COG7: variants seen among roughly 807,000 people sequenced by gnomAD.
COG7 encodes the protein conserved oligomeric Golgi complex subunit 7.
In COG7, 49 loss-of-function variants were observed where a neutral mutation model predicts 91.5. That is an observed-to-expected ratio of 0.54 (90% CI 0.43 to 0.68). The LOEUF (loss-of-function observed/expected upper bound fraction) is 0.68, where lower values mean the gene tolerates loss of function less well. COG7 is among the 30% of genes least tolerant of loss of function. The pLI, the probability that COG7 is intolerant of heterozygous loss-of-function variation, is 0.00. For missense variants in COG7, 895 were observed against 961.3 expected, an observed-to-expected ratio of 0.93 and a Z score of 0.91; for synonymous variants, 365 against 388.7, an observed-to-expected ratio of 0.94 and a Z score of 0.72.
At chr16:23,411,183 G>A (rs989477347) in intron 10 of COG7, among the ~76,000 whole-genome samples, 10 of 152,132 alleles carry the variant, frequency 6.6e-5, no homozygotes, top group African/African-American at 2.2e-4. Context: ...CATCATATCC[G>A]TATTGAATGA....
At chr16:23,427,539 A>C (rs983711320) in intron 6 of COG7, among the ~76,000 whole-genome samples, 14 of 152,206 alleles carry the variant, frequency 9.2e-5, no homozygotes, top group Admixed American at 3.9e-4. Context: ...GTTTCTTCCA[A>C]CCACCTACTG....
At chr16:23,451,881 C>T (rs1007242800) in intron 1 of COG7, among the ~76,000 whole-genome samples, 2 of 152,002 alleles carry the variant, frequency 1.3e-5, no homozygotes, top group Non-Finnish European at 2.9e-5. Context: ...GATCTGTTGG[C>T]TATTCTTTCA....
intron 10 of COG7, among the ~76,000 whole-genome samples, chr16:23,411,078 A>G (rs555740019): frequency 2.0e-4 from 31 of 152,350 alleles, no homozygotes; most frequent in Middle Eastern, 3.4e-3. Flanking sequence ...TTCCAGACAC[A>G]GAAAATGTTT....
chr16:23,401,560 C>A (rs757976766), intron 13 of COG7, among the ~76,000 whole-genome samples: 2 of 152,196 alleles, frequency 1.3e-5, no homozygotes, highest in Non-Finnish European at 2.9e-5. Flanking sequence ...ACAACCCAAT[C>A]TGCAGGTGAG....
At chr16:23,436,699 C>G (rs962584249) in intron 4 of COG7, among the ~76,000 whole-genome samples, 70 of 152,220 alleles carry the variant, frequency 4.6e-4, no homozygotes, top group African/African-American at 1.6e-3. Context: ...GCAGTCCAGC[C>G]TGGGCAACAG....
chr16:23,420,363 G>A (rs914537454), intron 7 of COG7, among the ~76,000 whole-genome samples: 34 of 152,080 alleles, frequency 2.2e-4, no homozygotes, highest in Non-Finnish European at 3.7e-4. Context: ...TCTCAACAGG[G>A]GATTAGTAAA....
intron 13 of COG7, among the ~76,000 whole-genome samples, chr16:23,403,157 G>C (rs1963405187): frequency 6.6e-6 from 1 of 152,172 alleles, no homozygotes; most frequent in South Asian, 2.1e-4. Flanking sequence ...CGGACAACCA[G>C]AAAAGAGAAG....
rs146807892 is a variant in COG7, at chr16:23,448,257, C to A, written c.170-2296G>T. On this transcript the variant is annotated intron_variant, in intron 1 of 16. Transcript: ENST00000307149. ...AGAAAGGTCTTTCGCAGGCTGATCC[C>A]GATCTATTTATCTGCCTCATCTTCA... 1.3e-3 allele frequency among the ~76,000 whole-genome samples: 196 copies of A among 152,212 alleles called. 2 individuals are homozygous for A. The East Asian group carries it at 0.036, about 28-fold the overall frequency.
intron 13 of COG7, 38 bp downstream of exon 13, chr16:23,403,656 G>C (rs781164290): frequency 1.2e-6 from 2 of 1,613,086 alleles, no homozygotes; most frequent in South Asian, 2.2e-5. Context: ...TTGGAGGCAG[G>C]ACCCGGGAAA....
intron 3 of COG7, among the ~76,000 whole-genome samples, chr16:23,443,511 G>A (rs1964134443): frequency 6.6e-6 from 1 of 152,016 alleles, no homozygotes; most frequent in Admixed American, 6.6e-5. Flanking sequence ...TGGCCAACAT[G>A]GTGAAACCAT....
At chr16:23,409,095 ATGTG>A (rs111405261) in intron 11 of COG7, among the ~76,000 whole-genome samples, 6,137 of 132,632 alleles carry the variant, frequency 0.046, 180 homozygotes, top group Non-Finnish European at 0.065. Context: ...GTGTGCGTGC[ATGTG>A]TGTGTGTGTG....
Position 23,438,928 on chromosome 16 carries a change from C to T in COG7, c.604+3549G>A, listed in dbSNP as rs574089253. Among the ~76,000 whole-genome samples the T allele has an allele frequency of 3.9e-5, 6 of 152,004 alleles. No individual in the cohort carries two copies. The South Asian group carries it at 6.2e-4, about 16-fold the overall frequency. ...ATCCCAGCACTTCGGAAGGCCAAGACGGGCGGATCACTTGAGGCCAGGAGT... is the reference window on the plus strand; with the variant it reads ...ATCCCAGCACTTCGGAAGGCCAAGATGGGCGGATCACTTGAGGCCAGGAGT... On this transcript the variant is annotated intron_variant, in intron 4 of 16. Coordinates refer to ENST00000307149, the MANE Select transcript of COG7 (RefSeq NM_153603.4).
rs1596950948 is a variant in COG7, at chr16:23,438,050, A to C, written c.605-3332T>G. ...CAGCGAGCCGAGATCAAGCCACTGCACTTCAGCCTGGAGACAGAGCAAGAC... is the reference window on the plus strand; with the variant it reads ...CAGCGAGCCGAGATCAAGCCACTGCCCTTCAGCCTGGAGACAGAGCAAGAC... On this transcript the variant is annotated intron_variant, in intron 4 of 16. Transcript: ENST00000307149. 2.0e-5 allele frequency among the ~76,000 whole-genome samples: 3 copies of C among 150,828 alleles called. No individual in the cohort carries two copies. The East Asian group carries it at 5.8e-4, about 29-fold the overall frequency.
intron 4 of COG7, among the ~76,000 whole-genome samples, chr16:23,436,258 A>G (rs1964012150): frequency 6.6e-6 from 1 of 152,210 alleles, no homozygotes; most frequent in South Asian, 2.1e-4. Flanking sequence ...TTGACCAGTG[A>G]GAAGCAAAAA....
At chr16:23,393,592 A>G in intron 14 of COG7, 1 of 527,484 alleles carries the variant, frequency 1.9e-6, no homozygotes, top group Non-Finnish European at 3.4e-6. Context: ...TTTGAAATGC[A>G]TTCAACACAA....
At chr16:23,391,232 G>C (rs1054852903) in intron 16 of COG7, among the ~76,000 whole-genome samples, 3 of 152,194 alleles carry the variant, frequency 2.0e-5, no homozygotes, top group African/African-American at 7.2e-5. Context: ...AATCTGCAGG[G>C]GGAGCTTAAC....
intron 15 of COG7, among the ~76,000 whole-genome samples, chr16:23,392,989 C>G (rs1310991224): frequency 6.6e-6 from 1 of 152,144 alleles, no homozygotes; most frequent in Admixed American, 6.6e-5. Context: ...GCTTACAGAG[C>G]AGAGCCAGAA....
At chr16:23,391,399 C>T (rs1963193330) in intron 16 of COG7, among the ~76,000 whole-genome samples, 1 of 152,174 alleles carries the variant, frequency 6.6e-6, no homozygotes, top group Non-Finnish European at 1.5e-5. Context: ...AGGGCAGTAG[C>T]CAAAAGGCTG....
At chr16:23,394,764 A>G (rs1173099383) in intron 14 of COG7, 1 of 151,994 alleles carries the variant, frequency 6.6e-6, no homozygotes. Flanking sequence ...TTGGCTGTGT[A>G]AGTGTAAACA....
Sources: gnomAD v4.1 joint callset for allele counts (sites outside exome capture counted in the v4.1 genomes callset) on GRCh38, gnomAD v4.1.1 for gene constraint, MANE v1.5 for transcripts, NCBI Gene and HGNC (gene_info 2026-07-23, HGNC 2026-07-21) for gene names.